The following DDC variants were observed in gnomAD, a reference collection of about 807,000 sequenced individuals.
DDC encodes the protein dopa decarboxylase.
In DDC, 43 loss-of-function variants were observed where a neutral mutation model predicts 60.0. That is an observed-to-expected ratio of 0.72 (90% CI 0.56 to 0.92). The LOEUF (loss-of-function observed/expected upper bound fraction) is 0.92. Ranked by LOEUF, DDC falls within the 40% of genes least tolerant of loss-of-function variation. The pLI is 0.00. For synonymous variants in DDC, 232 were observed against 234.6 expected (o/e 0.99, Z 0.10); for missense variants, 573 against 620.2 (o/e 0.92, Z 0.81).
intron 6 of DDC, among the ~76,000 whole-genome samples, chr7:50,509,420 C>T (rs923096732): frequency 1.3e-5 from 2 of 152,178 alleles, no homozygotes; most frequent in Non-Finnish European, 2.9e-5. Context: ...CTGCCTCCTC[C>T]ACCAGCTCCT....
chr7:50,485,812 C>T (rs1414150600), intron 9 of DDC, among the ~76,000 whole-genome samples: 1 of 152,166 alleles, frequency 6.6e-6, no homozygotes, highest in African/African-American at 2.4e-5. Context: ...TCACTCTCCC[C>T]ACTCCCTGTC....
At chr7:50,489,596 C>A (rs1040172184) in intron 9 of DDC, among the ~76,000 whole-genome samples, 4 of 152,092 alleles carry the variant, frequency 2.6e-5, no homozygotes, top group African/African-American at 7.2e-5. Context: ...AGATGACAAT[C>A]AAAATAAACT....
intron 1 of DDC, among the ~76,000 whole-genome samples, chr7:50,547,988 T>C (rs900727547): frequency 1.3e-5 from 2 of 152,250 alleles, no homozygotes; most frequent in African/African-American, 4.8e-5. Context: ...GAAACTTTTG[T>C]AATATTTCAA....
intron 14 of DDC, among the ~76,000 whole-genome samples, chr7:50,461,994 T>C (rs2042284340): frequency 6.6e-6 from 1 of 152,156 alleles, no homozygotes; most frequent in Non-Finnish European, 1.5e-5. Flanking sequence ...AAACATGATT[T>C]TCAACTTCTG....
At chr7:50,553,183 T>A (rs991009284) in intron 1 of DDC, among the ~76,000 whole-genome samples, 19 of 152,376 alleles carry the variant, frequency 1.2e-4, no homozygotes, top group African/African-American at 4.1e-4. Context: ...TCCATGGTAC[T>A]GCCTGTTCAT....
chr7:50,504,603 A>G (rs2043342212), intron 6 of DDC, among the ~76,000 whole-genome samples: 1 of 151,596 alleles, frequency 6.6e-6, no homozygotes, highest in African/African-American at 2.4e-5. Flanking sequence ...TTCTATATAT[A>G]TATGTGTGTG....
chr7:50,473,348 CCGG>C (rs2042574548), intron 11 of DDC, among the ~76,000 whole-genome samples: 1 of 152,204 alleles, frequency 6.6e-6, no homozygotes, highest in Non-Finnish European at 1.5e-5. Context: ...CGGTGGCTGC[CCGG>C]GGCTGTCCCC....
At position 50,499,187 on chromosome 7, in the gene DDC, G is replaced by T; in HGVS notation, c.837C>A (p.Phe279Leu). 1 of 1,613,974 alleles carries T rather than the reference G, an allele frequency of 6.2e-7. No individual in the cohort carries two copies. Among genetic ancestry groups the T allele is most frequent in the Non-Finnish European group, 8.5e-7 (1 of 1,179,922 alleles). Residue 279 changes from phenylalanine to leucine, a missense_variant, in exon 8 of 15, where the codon TTC (phenylalanine) becomes TTA (leucine). Transcript: ENST00000444124. Reference protein sequence around the residue: ...HVDAAYAGSAFICPEFRHLLN... With the variant: ...HVDAAYAGSALICPEFRHLLN... ...GAAGGTGCCGGAACTCAGGGCAGAT[G>T]AATGCACTGCCTGCGTAGGCTGCAT... is the stretch of plus-strand genomic sequence containing the variant.
At chr7:50,482,156 A>G (rs2042783519) in intron 9 of DDC, among the ~76,000 whole-genome samples, 1 of 152,232 alleles carries the variant, frequency 6.6e-6, no homozygotes, top group Non-Finnish European at 1.5e-5. Context: ...GCCGTATTCA[A>G]TAGCTCCAAA....
intron 7 of DDC, among the ~76,000 whole-genome samples, chr7:50,501,262 CAGCTTTG>C (rs988353325): frequency 3.9e-5 from 6 of 152,372 alleles, no homozygotes; most frequent in Non-Finnish European, 8.8e-5. Context: ...CCTCAGGATG[CAGCTTTG>C]GCTGCCTGCC....
chr7:50,469,151 G>A (rs1297039053), intron 12 of DDC, among the ~76,000 whole-genome samples: 1 of 149,082 alleles, frequency 6.7e-6, no homozygotes, highest in Non-Finnish European at 1.5e-5. Flanking sequence ...TCACTATGTT[G>A]GCCAGGCTGG....
chr7:50,518,211 C>A (rs80095070), intron 6 of DDC, among the ~76,000 whole-genome samples: 236 of 125,526 alleles, frequency 1.9e-3, no homozygotes, highest in Middle Eastern at 4.0e-3. Context: ...GACTCCATCT[C>A]AAAAAAAAAA....
intron 4 of DDC, among the ~76,000 whole-genome samples, chr7:50,532,978 A>T (rs1044640029): frequency 2.2e-4 from 34 of 152,146 alleles, no homozygotes; most frequent in South Asian, 1.9e-3. Context: ...GTCCTCCAAA[A>T]TTTTTTTTAT....
At chr7:50,515,637 A>T (rs1381869826) in intron 6 of DDC, among the ~76,000 whole-genome samples, 1 of 152,200 alleles carries the variant, frequency 6.6e-6, no homozygotes, top group Non-Finnish European at 1.5e-5. Context: ...AAAGATACAG[A>T]TCCACAGAAT....
Position 50,528,247 on chromosome 7 carries a change from C to G in DDC, c.604G>C (p.Gly202Arg). The part of the protein sequence containing the change: ...HSSVERAGLI[G>R]GVKLKAIPSD... ...GGGATGGCTTTTAATTTCACTCCAC[C>G]AATTAACCCAGCTCTTTCCACTGAG... The change falls in exon 6 of 15, where the codon GGT becomes CGT. Residue 202 changes from glycine (G) to arginine (R), a missense_variant. Transcript: ENST00000444124. The G allele has an allele frequency of 6.2e-7, 1 of 1,614,158 alleles. No individual in the cohort carries two copies. The highest frequency in any genetic ancestry group is 8.5e-7 in the Non-Finnish European group (1 of 1,180,026).
At chr7:50,548,259 A>G (rs543915877) in intron 1 of DDC, among the ~76,000 whole-genome samples, 3 of 152,334 alleles carry the variant, frequency 2.0e-5, no homozygotes, top group African/African-American at 7.2e-5. Flanking sequence ...AGTGACAGGA[A>G]GAGTAGGTAG....
At chr7:50,547,847 A>G (rs2044857406) in intron 1 of DDC, among the ~76,000 whole-genome samples, 1 of 152,244 alleles carries the variant, frequency 6.6e-6, no homozygotes, top group Non-Finnish European at 1.5e-5. Flanking sequence ...TGACAATAAT[A>G]GTATAGGTAC....
chr7:50,499,137 G>A lies in DDC; in HGVS notation c.876+11C>T, dbSNP rs369667328. 128 of 1,605,536 alleles carry A rather than the reference G, an allele frequency of 8.0e-5. No individual in the cohort carries two copies. The highest frequency in any genetic ancestry group is 1.0e-4 in the Non-Finnish European group (122 of 1,172,422). On this transcript the variant is annotated intron_variant, in intron 8 of 14. Transcript: ENST00000444124. ...GAAAACAGCCTTAGGGAGAGCGAAG[G>A]GTGCACCTACCTCCACTCCATTCAG...
intron 6 of DDC, among the ~76,000 whole-genome samples, chr7:50,518,604 C>A (rs1338429778): frequency 6.6e-6 from 1 of 152,162 alleles, no homozygotes; most frequent in Non-Finnish European, 1.5e-5. Context: ...ACCAACTGAT[C>A]TTCAACAAAG....
Sources: gnomAD v4.1 joint callset for allele counts (sites outside exome capture counted in the v4.1 genomes callset) on GRCh38, gnomAD v4.1.1 for gene constraint, MANE v1.5 for transcripts, NCBI Gene and HGNC (gene_info 2026-07-23, HGNC 2026-07-21) for gene names.